The following SOX6 variants were observed in gnomAD, a reference collection of about 807,000 sequenced individuals.
The protein encoded by SOX6 is transcription factor SOX-6.
A neutral mutation model predicts 97.8 loss-of-function variants in SOX6; 11 were observed. The observed-to-expected ratio is 0.11, with a 90% CI of 0.07 to 0.19. The LOEUF is 0.19. Among genes scored for constraint, SOX6 ranks in the 10% least tolerant of loss-of-function variants. The pLI, the probability that SOX6 is intolerant of heterozygous loss-of-function variation, is 1.00. For synonymous variants in SOX6, 360 were observed against 371.4 expected (o/e 0.97, Z 0.35); for missense variants, 810 against 1,039.5 (o/e 0.78, Z 3.04).
chr11:16,228,970 G>A (rs1416488276), intron 4 of SOX6, among the ~76,000 whole-genome samples: 1 of 152,028 alleles, frequency 6.6e-6, no homozygotes, highest in Non-Finnish European at 1.5e-5. Flanking sequence ...ATCTAAAAGG[G>A]AAAATAATAA....
At chr11:16,248,278 C>T (rs973884760) in intron 3 of SOX6, among the ~76,000 whole-genome samples, 5 of 97,414 alleles carry the variant, frequency 5.1e-5, no homozygotes, top group South Asian at 3.8e-4. Context: ...TGCAAGCTGT[C>T]GGTGGATCTA....
At chr11:16,508,782 T>G (rs1860832358) in intron 4 of SOX6, among the ~76,000 whole-genome samples, 1 of 152,052 alleles carries the variant, frequency 6.6e-6, no homozygotes, top group Admixed American at 6.6e-5. Context: ...CAGAGTAGGA[T>G]GACTATCATT....
chr11:16,603,941 GAGCGGACC>G (rs1300409515), intron 4 of SOX6, among the ~76,000 whole-genome samples: 2 of 152,246 alleles, frequency 1.3e-5, no homozygotes, highest in Non-Finnish European at 2.9e-5. Flanking sequence ...GAACAGAGCT[GAGCGGACC>G]AGGTCGGCCA....
intron 1 of SOX6, among the ~76,000 whole-genome samples, chr11:16,424,680 T>G (rs140976510): frequency 6.6e-6 from 1 of 152,324 alleles, no homozygotes; most frequent in Non-Finnish European, 1.5e-5. Context: ...AGACTATGGA[T>G]GGAATTCCTA....
At chr11:16,268,760 T>C (rs1010024436) in intron 3 of SOX6, among the ~76,000 whole-genome samples, 2 of 151,198 alleles carry the variant, frequency 1.3e-5, no homozygotes, top group African/African-American at 4.8e-5. Context: ...TCTCTTTGTT[T>C]TGAGATTTTT....
intron 15 of SOX6, among the ~76,000 whole-genome samples, chr11:15,984,064 C>A (rs1212787474): frequency 6.6e-6 from 1 of 152,224 alleles, no homozygotes; most frequent in Non-Finnish European, 1.5e-5. Flanking sequence ...TCTTTATCAC[C>A]TTTCTGTAGC....
intron 1 of SOX6, among the ~76,000 whole-genome samples, chr11:16,469,991 AC>A (rs1294031369): frequency 6.6e-6 from 1 of 152,216 alleles, no homozygotes; most frequent in East Asian, 1.9e-4. Flanking sequence ...TAATGGGTAT[AC>A]ACATTCAGAT....
At chr11:16,365,097 A>G (rs1267834980) in intron 1 of SOX6, among the ~76,000 whole-genome samples, 1 of 152,064 alleles carries the variant, frequency 6.6e-6, no homozygotes, top group East Asian at 1.9e-4. Flanking sequence ...ATTATAGTAT[A>G]TTGTTATATT....
intron 4 of SOX6, among the ~76,000 whole-genome samples, chr11:16,533,424 G>A (rs1029077515): frequency 7.9e-5 from 12 of 151,942 alleles, no homozygotes; most frequent in Non-Finnish European, 1.5e-4. Context: ...CTTGAGATCT[G>A]AGAAGTCATA....
chr11:15,985,463 G>C (rs894613548), intron 15 of SOX6, among the ~76,000 whole-genome samples: 1 of 152,106 alleles, frequency 6.6e-6, no homozygotes, highest in African/African-American at 2.4e-5. Context: ...ACCCTGCTGT[G>C]CTTCTAGGTC....
chr11:16,095,251 C>T (rs945965290), intron 9 of SOX6, among the ~76,000 whole-genome samples: 3 of 151,534 alleles, frequency 2.0e-5, no homozygotes, highest in African/African-American at 7.3e-5. Context: ...TGAGGGACCC[C>T]GGTGAGGCAG....
rs753391782 is a variant in SOX6 at position 16,208,383 on chromosome 11, C to G, written c.536-21428G>C. Among the ~76,000 whole-genome samples, 5 of 152,290 alleles carry G rather than the reference C, an allele frequency of 3.3e-5. No homozygotes were observed. The Middle Eastern group carries it at 0.014, about 414-fold the overall frequency. On this transcript the variant is annotated intron_variant, in intron 4 of 15. Coordinates refer to ENST00000683767, the MANE Select transcript of SOX6 (RefSeq NM_001367873.1). ...ACTATAATCTTTTCTGTCTTTTTCA[C>G]TGTATTGGTATTTTCTCTAATGGTG...
At chr11:16,019,310 T>TCA (rs1854981658) in intron 12 of SOX6, among the ~76,000 whole-genome samples, 2 of 152,144 alleles carry the variant, frequency 1.3e-5, no homozygotes, top group African/African-American at 4.8e-5. Context: ...AATGATGTGG[T>TCA]ATATTTCATT....
chr11:16,158,384 G>GAAACTGATGCCAA (rs1850656539), intron 6 of SOX6, among the ~76,000 whole-genome samples: 1 of 151,994 alleles, frequency 6.6e-6, no homozygotes, highest in Non-Finnish European at 1.5e-5. Flanking sequence ...TGTTCAAAAT[G>GAAACTGATGCCAA]AAACTGATGC....
At chr11:16,287,257 GTCTCTC>G (rs56921161) in intron 3 of SOX6, among the ~76,000 whole-genome samples, 88 of 120,588 alleles carry the variant, frequency 7.3e-4, no homozygotes, top group African/African-American at 2.6e-3. Flanking sequence ...TCTTCTCTCT[GTCTCTC>G]TCTCTCTCTC....
intron 1 of SOX6, among the ~76,000 whole-genome samples, chr11:16,411,718 G>A (rs1858823656): frequency 6.6e-6 from 1 of 152,076 alleles, no homozygotes; most frequent in South Asian, 2.1e-4. Flanking sequence ...CTTTAACAGT[G>A]ACTTACCAAA....
chr11:16,726,000 G>A (rs1326475792), intron 2 of SOX6, among the ~76,000 whole-genome samples: 1 of 152,112 alleles, frequency 6.6e-6, no homozygotes, highest in Non-Finnish European at 1.5e-5. Context: ...TATTTGAACT[G>A]TCTTAAAACT....
rs114959428 is a variant in SOX6 at position 16,218,321 on chromosome 11, A to G, written c.535+16261T>C. Among the ~76,000 whole-genome samples, 208 of 152,254 alleles carry G rather than the reference A, an allele frequency of 1.4e-3. 1 individual carries two copies. Among genetic ancestry groups the G allele is most frequent in the African/African-American group, 4.7e-3 (194 of 41,556 alleles). On this transcript the variant is annotated intron_variant, in intron 4 of 15. Transcript: ENST00000683767. ...GTAGTTTGTCTCATAATATCAATTG[A>G]ATTATATGAAATGCATCAAACTAGT...
chr11:16,042,137 A>C (rs1425671388), intron 12 of SOX6, among the ~76,000 whole-genome samples: 1 of 152,192 alleles, frequency 6.6e-6, no homozygotes, highest in Non-Finnish European at 1.5e-5. Flanking sequence ...CAGAGAGGTT[A>C]AATAATTTAC....
Sources: gnomAD v4.1 joint callset for allele counts (sites outside exome capture counted in the v4.1 genomes callset) on GRCh38, gnomAD v4.1.1 for gene constraint, MANE v1.5 for transcripts, NCBI Gene and HGNC (gene_info 2026-07-23, HGNC 2026-07-21) for gene names.